The following GLT1D1 variants were observed in gnomAD, a reference collection of about 807,000 sequenced individuals.
GLT1D1 encodes the protein glycosyltransferase 1 domain containing 1.
A neutral mutation model predicts 28.7 loss-of-function variants in GLT1D1; 21 were observed. The ratio of observed to expected loss-of-function variants is 0.73; its 90% CI spans 0.52 to 1.05. GLT1D1 has a LOEUF of 1.05. Among genes scored for constraint, GLT1D1 ranks in the 50% least tolerant of loss-of-function variants. The pLI, the probability that GLT1D1 is intolerant of heterozygous loss-of-function variation, is 0.00. For missense variants in GLT1D1, 343 were observed against 330.6 expected (o/e 1.04, Z -0.29); for synonymous variants, 147 against 124.8 (o/e 1.18, Z -1.19).
In GLT1D1 at chr12:128,888,238, T is replaced by G. The variant is rs2135827661; in HGVS notation, c.218-401T>G. ...CTGTTGTTGTCCCAAGCTAGCACGGTGCCTGTTGGTGTTGATGAACAATAG... is the reference window on the plus strand; with the variant it reads ...CTGTTGTTGTCCCAAGCTAGCACGGGGCCTGTTGGTGTTGATGAACAATAG... On this transcript the variant is annotated intron_variant, in intron 2 of 7. Coordinates refer to ENST00000281703, the MANE Select transcript of GLT1D1 (RefSeq NM_144669.3). Among the ~76,000 whole-genome samples the G allele has an allele frequency of 1.3e-5, 2 of 152,318 alleles. 1 individual carries two copies. Among genetic ancestry groups the G allele is most frequent in the Middle Eastern group, 6.8e-3 (2 of 294 alleles).
At chr12:128,951,947 G>A (rs1016946374) in intron 6 of GLT1D1, among the ~76,000 whole-genome samples, 7 of 152,204 alleles carry the variant, frequency 4.6e-5, no homozygotes, top group Non-Finnish European at 1.0e-4. Context: ...TTTCCTTGGA[G>A]GCAGGGCCGT....
rs59189244 is a variant in GLT1D1 at position 128,904,623 on chromosome 12, C to CTT, written c.375+5363_375+5364dup. On this transcript the variant is annotated intron_variant, in intron 4 of 7. Coordinates refer to ENST00000281703, the MANE Select transcript of GLT1D1 (RefSeq NM_144669.3). ...GTGATGGTTAAAGCATGAAAACAGT[C>CTT]TTTTTTTTTTTTTTTTTTTTTTTTT... Among the ~76,000 whole-genome samples the CTT allele has an allele frequency of 3.2e-3, 449 of 139,206 alleles. 37 individuals carry two copies. Among genetic ancestry groups the CTT allele is most frequent in the African/African-American group, 0.011 (375 of 32,722 alleles). The allele number at this position is 139,206 out of a possible 152,430, so 91.3% of individuals were successfully genotyped here. A position where few individuals can be genotyped will look rare whatever the true frequency, so the allele number is the denominator to read the frequency against.
chr12:128,896,705 G>T (rs528477506), intron 3 of GLT1D1, among the ~76,000 whole-genome samples: 135 of 150,830 alleles, frequency 9.0e-4, no homozygotes, highest in African/African-American at 3.2e-3. Flanking sequence ...TCAGCGTACC[G>T]AGTAGCTGGG....
At chr12:128,939,180 T>C (rs1367149086) in intron 4 of GLT1D1, among the ~76,000 whole-genome samples, 1 of 152,008 alleles carries the variant, frequency 6.6e-6, no homozygotes, top group African/African-American at 2.4e-5. Context: ...TTTCAGGCAA[T>C]CAGGGAGCTT....
At chr12:128,894,147 A>C (rs1869373653) in intron 3 of GLT1D1, among the ~76,000 whole-genome samples, 1 of 152,116 alleles carries the variant, frequency 6.6e-6, no homozygotes, top group African/African-American at 2.4e-5. Flanking sequence ...CCGCGTCAGC[A>C]CTGTATGGTG....
chr12:128,897,914 G>A (rs545258738), intron 3 of GLT1D1, among the ~76,000 whole-genome samples: 13 of 152,212 alleles, frequency 8.5e-5, no homozygotes, highest in South Asian at 8.3e-4. Context: ...TGATCCGCCC[G>A]CCTTGGACTC....
chr12:128,957,111 T>A lies in GLT1D1; in HGVS notation c.541-434T>A, dbSNP rs1200812908. Among the ~76,000 whole-genome samples the A allele has an allele frequency of 3.3e-5, 5 of 152,238 alleles. No homozygotes were observed. In the East Asian group the frequency reaches 9.6e-4, roughly 29 times the overall value. On this transcript the variant is annotated intron_variant, in intron 6 of 7. Coordinates refer to ENST00000281703, the MANE Select transcript of GLT1D1 (RefSeq NM_144669.3). ...TGATAAATCATTTTCCTTTTACTTT[T>A]GTCTGCATGTCAGAGAGCTGAGTTT...
intron 4 of GLT1D1, among the ~76,000 whole-genome samples, chr12:128,935,321 C>T (rs933716550): frequency 9.2e-5 from 14 of 152,116 alleles, no homozygotes; most frequent in Admixed American, 3.9e-4. Flanking sequence ...GTGGGCGGAT[C>T]GCTTGAGGTC....
At chr12:128,927,111 A>G in intron 4 of GLT1D1, 2 of 1,535,852 alleles carry the variant, frequency 1.3e-6, no homozygotes, top group South Asian at 2.4e-5. Context: ...CAAGCCTGGC[A>G]TCAGGAGGAG....
intron 7 of GLT1D1, among the ~76,000 whole-genome samples, chr12:128,977,116 A>G (rs567864017): frequency 2.7e-4 from 41 of 152,338 alleles, no homozygotes; most frequent in African/African-American, 9.6e-4. Flanking sequence ...GCTGCACTCC[A>G]GCCTGGGCGA....
At chr12:128,883,589 C>A (rs567404867) in intron 2 of GLT1D1, among the ~76,000 whole-genome samples, 3,753 of 76,560 alleles carry the variant, frequency 0.049, 125 homozygotes, top group African/African-American at 0.12. Context: ...GACTCCATCT[C>A]AAAAAAAAAA....
intron 1 of GLT1D1, among the ~76,000 whole-genome samples, chr12:128,857,883 G>A (rs888010825): frequency 6.6e-6 from 1 of 152,154 alleles, no homozygotes; most frequent in Non-Finnish European, 1.5e-5. Flanking sequence ...TATTGGCCTG[G>A]GAAGCACAGA....
intron 4 of GLT1D1, among the ~76,000 whole-genome samples, chr12:128,899,610 C>T (rs908657403): frequency 4.8e-5 from 7 of 144,836 alleles, no homozygotes; most frequent in African/African-American, 7.7e-5. Flanking sequence ...AGTGCAATGG[C>T]GTGATCTCAG....
At chr12:128,878,839 T>G (rs1011874063) in intron 2 of GLT1D1, among the ~76,000 whole-genome samples, 1 of 152,152 alleles carries the variant, frequency 6.6e-6, no homozygotes, top group Non-Finnish European at 1.5e-5. Flanking sequence ...GGTCTTGAAC[T>G]CCTGGACTCA....
chr12:128,928,887 G>T (rs577760281), intron 4 of GLT1D1, among the ~76,000 whole-genome samples: 14 of 152,236 alleles, frequency 9.2e-5, no homozygotes, highest in Middle Eastern at 3.4e-3. Context: ...CTCACAAAGT[G>T]CTGGGATTCC....
intron 1 of GLT1D1, among the ~76,000 whole-genome samples, chr12:128,863,378 A>G (rs12821882): frequency 2.6e-5 from 2 of 77,986 alleles, no homozygotes; most frequent in Non-Finnish European, 5.4e-5. Flanking sequence ...ATAATTTATT[A>G]TTTTTTTTTT....
At chr12:128,903,032 AAAAAG>A (rs1203490078) in intron 4 of GLT1D1, among the ~76,000 whole-genome samples, 2 of 151,558 alleles carry the variant, frequency 1.3e-5, no homozygotes, top group Non-Finnish European at 2.9e-5. Context: ...AAAAAAAAAA[AAAAAG>A]AAAGAAATAT....
At chr12:128,867,342 A>G (rs1165422992) in intron 1 of GLT1D1, among the ~76,000 whole-genome samples, 32 of 141,214 alleles carry the variant, frequency 2.3e-4, no homozygotes, top group African/African-American at 8.5e-4. Context: ...GGTTGCAGTG[A>G]GCCGAGATCG....
chr12:128,862,234 C>CA (rs1213397454), intron 1 of GLT1D1, among the ~76,000 whole-genome samples: 1 of 148,520 alleles, frequency 6.7e-6, no homozygotes, highest in East Asian at 2.0e-4. Context: ...GAGGCTGACA[C>CA]AGGAGAACTG....
Sources: gnomAD v4.1 joint callset for allele counts (sites outside exome capture counted in the v4.1 genomes callset) on GRCh38, gnomAD v4.1.1 for gene constraint, MANE v1.5 for transcripts, NCBI Gene and HGNC (gene_info 2026-07-23, HGNC 2026-07-21) for gene names.